Variants in ATRNL1 observed in about 807,000 individuals in gnomAD.
ATRNL1 encodes the protein attractin-like protein 1.
In ATRNL1, 95 loss-of-function variants were observed where a neutral mutation model predicts 182.7. The ratio of observed to expected loss-of-function variants is 0.52; its 90% CI spans 0.44 to 0.62. The LOEUF (loss-of-function observed/expected upper bound fraction) is 0.62. Among genes scored for constraint, ATRNL1 ranks in the 20% least tolerant of loss-of-function variants. ATRNL1 has a pLI of 0.00. For synonymous variants in ATRNL1, 576 were observed against 568.3 expected (o/e 1.01, Z -0.19); for missense variants, 1,471 against 1,679.5 (o/e 0.88, Z 2.17).
At chr10:115,195,898 A>T (rs1479201380) in intron 8 of ATRNL1, among the ~76,000 whole-genome samples, 1 of 152,046 alleles carries the variant, frequency 6.6e-6, no homozygotes, top group Non-Finnish European at 1.5e-5. Context: ...CATTTTTCTC[A>T]TGCGTTTTCT....
intron 1 of ATRNL1, among the ~76,000 whole-genome samples, chr10:115,103,782 G>T (rs1038625590): frequency 2.0e-5 from 3 of 152,148 alleles, no homozygotes; most frequent in Non-Finnish European, 2.9e-5. Flanking sequence ...AAATAACTGA[G>T]AAAATGCAAT....
chr10:115,587,446 G>A (rs1855611247), intron 26 of ATRNL1, among the ~76,000 whole-genome samples: 1 of 151,828 alleles, frequency 6.6e-6, no homozygotes, highest in Non-Finnish European at 1.5e-5. Context: ...GCCAGGTGCG[G>A]AATATAATCT....
At chr10:115,685,802 G>T (rs985140554) in intron 26 of ATRNL1, among the ~76,000 whole-genome samples, 15 of 151,524 alleles carry the variant, frequency 9.9e-5, no homozygotes, top group Non-Finnish European at 2.1e-4. Flanking sequence ...TTAAGTCCAA[G>T]AATACAATTG....
intron 21 of ATRNL1, among the ~76,000 whole-genome samples, chr10:115,436,012 T>C (rs1280150309): frequency 6.6e-6 from 1 of 152,120 alleles, no homozygotes; most frequent in Non-Finnish European, 1.5e-5. Flanking sequence ...GCAAGCATTT[T>C]TATTGTTGGG....
intron 26 of ATRNL1, among the ~76,000 whole-genome samples, chr10:115,621,322 G>A (rs1410211487): frequency 1.4e-5 from 2 of 147,644 alleles, no homozygotes; most frequent in African/African-American, 5.0e-5. Context: ...GAGTGTGTGA[G>A]TGAGTCAGCA....
intron 1 of ATRNL1, among the ~76,000 whole-genome samples, chr10:115,115,529 A>G (rs1844444250): frequency 6.6e-6 from 1 of 152,126 alleles, no homozygotes; most frequent in African/African-American, 2.4e-5. Context: ...TACAATTATT[A>G]TTTGTCAATA....
chr10:115,462,331 C>A (rs116781020), intron 22 of ATRNL1, among the ~76,000 whole-genome samples: 1 of 152,072 alleles, frequency 6.6e-6, no homozygotes, highest in East Asian at 1.9e-4. Context: ...AAATAAAACT[C>A]GTTCGGGCGC....
rs533681115 is a variant in ATRNL1, at chr10:115,345,063, G to A, written c.3175+10644G>A. Among the ~76,000 whole-genome samples, 45 of 152,338 alleles carry A rather than the reference G, an allele frequency of 3.0e-4. No individual in the cohort carries two copies. In the South Asian group the frequency reaches 3.7e-3, roughly 13 times the overall value. ...GGAACCACGATTTGTGCAGTCTGGGGTTAGAGGAGAGGCAATGCCAGTACT... is the reference window on the plus strand; with the variant it reads ...GGAACCACGATTTGTGCAGTCTGGGATTAGAGGAGAGGCAATGCCAGTACT... On this transcript the variant is annotated intron_variant, in intron 19 of 28. Transcript: ENST00000355044.
chr10:115,189,815 A>G (rs1187844964), intron 8 of ATRNL1, among the ~76,000 whole-genome samples: 4 of 152,132 alleles, frequency 2.6e-5, no homozygotes, highest in Admixed American at 6.6e-5. Context: ...GTATACAGTA[A>G]TGTCCTAGGC....
At chr10:115,662,829 CATA>C (rs1226084037) in intron 26 of ATRNL1, among the ~76,000 whole-genome samples, 1 of 151,916 alleles carries the variant, frequency 6.6e-6, no homozygotes, top group Non-Finnish European at 1.5e-5. Context: ...TACTTAAAAT[CATA>C]ATAATTTTGC....
rs150805820 is a variant in ATRNL1, at chr10:115,588,420, A to G, written c.3795+38884A>G. ...TCCTGAGAGACCATAGAATGGCAAT[A>G]TGTGTGTTCCTCTGTCAAAAGCCAA... On this transcript the variant is annotated intron_variant, in intron 26 of 28. Coordinates refer to ENST00000355044, the MANE Select transcript of ATRNL1 (RefSeq NM_207303.4). 7.5e-3 allele frequency among the ~76,000 whole-genome samples: 1,139 copies of G among 152,316 alleles called. 4 individuals carry two copies. Among genetic ancestry groups the G allele is most frequent in the Middle Eastern group, 0.017 (5 of 294 alleles).
At chr10:115,561,690 G>GGGGTGTGTGTGTGTGTGTGTGT (rs1554999705) in intron 26 of ATRNL1, among the ~76,000 whole-genome samples, 1 of 50,446 alleles carries the variant, frequency 2.0e-5, no homozygotes, top group African/African-American at 7.0e-5. Context: ...TGTGTGTGTG[G>GGGGTGTGTGTGTGTGTGTGTGT]GTGTGTGTGT....
intron 11 of ATRNL1, among the ~76,000 whole-genome samples, 162 bp downstream of exon 11, chr10:115,265,439 C>CT (rs1331188185): frequency 3.3e-5 from 5 of 151,660 alleles, no homozygotes; most frequent in South Asian, 2.1e-4. Context: ...TCAATCATAT[C>CT]TTTTTTTCCT....
chr10:115,268,449 G>C lies in ATRNL1; in HGVS notation c.2100+5G>C. Reference sequence around the variant, plus strand: ...GCAAATAGTAACTGCAGTATGGTTAGTATTTATGGGTAAATGGTGCTGTAG... The same window carrying C: ...GCAAATAGTAACTGCAGTATGGTTACTATTTATGGGTAAATGGTGCTGTAG... On this transcript the variant is annotated splice_donor_5th_base_variant and intron_variant, in intron 13 of 28. Coordinates refer to ENST00000355044, the MANE Select transcript of ATRNL1 (RefSeq NM_207303.4). 2.0e-6 allele frequency: 3 copies of C among 1,535,192 alleles called. No individual in the cohort carries two copies. Among genetic ancestry groups the C allele is most frequent in the Non-Finnish European group, 2.7e-6 (3 of 1,108,270 alleles).
At chr10:115,254,191 A>G (rs1851012080) in intron 10 of ATRNL1, among the ~76,000 whole-genome samples, 1 of 152,078 alleles carries the variant, frequency 6.6e-6, no homozygotes, top group Admixed American at 6.6e-5. Context: ...TCTAGTTCTA[A>G]ATCCTTGAGG....
In ATRNL1 at chr10:115,481,608, A is replaced by G. The variant is rs376921489; in HGVS notation, c.3654+12279A>G. 2.6e-4 allele frequency among the ~76,000 whole-genome samples: 40 copies of G among 151,038 alleles called. 1 individual carries two copies. In the South Asian group the frequency reaches 8.1e-3, roughly 31 times the overall value. On this transcript the variant is annotated intron_variant, in intron 24 of 28. Transcript: ENST00000355044. Reference sequence around the variant, plus strand: ...TGACACCAGATCCCATTCTACCACTATTAACTCACACTTCTTTATTTTACT... The same window carrying G: ...TGACACCAGATCCCATTCTACCACTGTTAACTCACACTTCTTTATTTTACT...
At chr10:115,587,343 C>T (rs1178118529) in intron 26 of ATRNL1, among the ~76,000 whole-genome samples, 4 of 151,898 alleles carry the variant, frequency 2.6e-5, no homozygotes, top group East Asian at 1.9e-4. Context: ...CAATGGCGGG[C>T]GCCCCTCCCC....
chr10:115,383,787 A>G (rs1858172039), intron 19 of ATRNL1, among the ~76,000 whole-genome samples: 2 of 151,998 alleles, frequency 1.3e-5, no homozygotes, highest in South Asian at 4.1e-4. Flanking sequence ...ATATTTGTTG[A>G]CAAAATAAAT....
chr10:115,885,917 A>C (rs1453299809), intron 28 of ATRNL1, among the ~76,000 whole-genome samples: 1 of 152,174 alleles, frequency 6.6e-6, no homozygotes, highest in Non-Finnish European at 1.5e-5. Flanking sequence ...CTCTAAAAGA[A>C]GTTTTAAATG....
Sources: gnomAD v4.1 joint callset for allele counts (sites outside exome capture counted in the v4.1 genomes callset) on GRCh38, gnomAD v4.1.1 for gene constraint, MANE v1.5 for transcripts, NCBI Gene and HGNC (gene_info 2026-07-23, HGNC 2026-07-21) for gene names.